SCAPER: variants seen among roughly 807,000 people sequenced by gnomAD.
SCAPER encodes S phase cyclin A-associated protein in the endoplasmic reticulum.
A neutral mutation model predicts 182.2 loss-of-function variants in SCAPER; 98 were observed. The ratio of observed to expected loss-of-function variants is 0.54; its 90% CI spans 0.46 to 0.64. The LOEUF is 0.64. SCAPER is among the 30% of genes least tolerant of loss of function. The pLI, the probability that SCAPER is intolerant of heterozygous loss-of-function variation, is 0.00. For missense variants in SCAPER, 1,432 were observed against 1,690.0 expected, an observed-to-expected ratio of 0.85 and a Z score of 2.68; for synonymous variants, 605 against 564.6, an observed-to-expected ratio of 1.07 and a Z score of -1.01.
At chr15:76,383,020 T>C (rs1292596547) in intron 27 of SCAPER, among the ~76,000 whole-genome samples, 2 of 152,036 alleles carry the variant, frequency 1.3e-5, no homozygotes, top group Non-Finnish European at 2.9e-5. Context: ...TGTCATGGCA[T>C]AATACCTTTC....
rs374205664 is a variant in SCAPER, at chr15:76,362,508, G to A, written c.3856-8368C>T. 4.6e-5 allele frequency among the ~76,000 whole-genome samples: 7 copies of A among 151,552 alleles called. No individual in the cohort carries two copies. In the South Asian group the frequency reaches 8.4e-4, roughly 18 times the overall value. On this transcript the variant is annotated intron_variant, in intron 29 of 31. Coordinates refer to ENST00000563290, the MANE Select transcript of SCAPER (RefSeq NM_020843.4). ...GCTCACTGCAACCTCTGCCTGCTGG[G>A]TTCAAGCAATTCTCCTGCCTCAGCC...
At chr15:76,819,035 G>A (rs574644209) in intron 5 of SCAPER, among the ~76,000 whole-genome samples, 1 of 152,348 alleles carries the variant, frequency 6.6e-6, no homozygotes, top group East Asian at 1.9e-4. Context: ...AGCGAGGCAG[G>A]GGGAGGAGCA....
intron 3 of SCAPER, among the ~76,000 whole-genome samples, chr15:76,859,891 A>T (rs1446756649): frequency 6.6e-6 from 1 of 151,842 alleles, no homozygotes; most frequent in Non-Finnish European, 1.5e-5. Context: ...ATTGTTTTGT[A>T]TTTTAGTAGA....
At chr15:76,563,080 CT>C (rs1175654735) in intron 23 of SCAPER, among the ~76,000 whole-genome samples, 1 of 152,058 alleles carries the variant, frequency 6.6e-6, no homozygotes, top group Non-Finnish European at 1.5e-5. Context: ...AAGGAAGTCG[CT>C]TCTTAAAAGT....
chr15:76,868,084 C>T (rs1176334666), intron 2 of SCAPER, among the ~76,000 whole-genome samples: 1 of 152,100 alleles, frequency 6.6e-6, no homozygotes, highest in Non-Finnish European at 1.5e-5. Flanking sequence ...AGGTCACATG[C>T]TGAATACCTA....
chr15:76,608,076 G>T (rs1000770858), intron 22 of SCAPER, among the ~76,000 whole-genome samples: 2 of 152,160 alleles, frequency 1.3e-5, no homozygotes, highest in Non-Finnish European at 2.9e-5. Flanking sequence ...GCGTTCCTTT[G>T]CAGGAGGAGA....
chr15:76,605,059 G>A (rs1425699108), intron 22 of SCAPER, among the ~76,000 whole-genome samples: 1 of 152,180 alleles, frequency 6.6e-6, no homozygotes, highest in Non-Finnish European at 1.5e-5. Context: ...CCAACACTAT[G>A]TTGAATAGGA....
chr15:76,673,978 CACACACACACA>C (rs1269868903), intron 20 of SCAPER, among the ~76,000 whole-genome samples: 26 of 151,608 alleles, frequency 1.7e-4, no homozygotes, highest in Admixed American at 5.9e-4. Context: ...CACACACACA[CACACACACACA>C]CCCCAATCAG....
At chr15:76,781,756 T>A (rs1041358216) in intron 8 of SCAPER, among the ~76,000 whole-genome samples, 6 of 152,054 alleles carry the variant, frequency 3.9e-5, no homozygotes, top group Non-Finnish European at 7.4e-5. Context: ...AACAAAAAAT[T>A]TTCAACCCAG....
chr15:76,672,565 T>C (rs2057101228), intron 20 of SCAPER, among the ~76,000 whole-genome samples: 2 of 151,970 alleles, frequency 1.3e-5, no homozygotes, highest in South Asian at 2.1e-4. Context: ...AAAGAAATCA[T>C]TTAAGGAATA....
At chr15:76,617,098 A>C (rs1370361564) in intron 22 of SCAPER, among the ~76,000 whole-genome samples, 2 of 152,090 alleles carry the variant, frequency 1.3e-5, no homozygotes, top group Non-Finnish European at 2.9e-5. Context: ...TTTGTTGTAA[A>C]TATTTCCACC....
At chr15:76,529,727 C>T (rs571048811) in intron 23 of SCAPER, among the ~76,000 whole-genome samples, 5 of 152,252 alleles carry the variant, frequency 3.3e-5, no homozygotes, top group South Asian at 2.1e-4. Flanking sequence ...CTGACATATC[C>T]GAAGAATGGC....
At chr15:76,820,304 G>A (rs540261029) in intron 5 of SCAPER, among the ~76,000 whole-genome samples, 162 of 152,140 alleles carry the variant, frequency 1.1e-3, no homozygotes, top group African/African-American at 3.7e-3. Context: ...GTTTATTGCG[G>A]CACTATTCAC....
At chr15:76,551,917 CTCTT>C (rs1421770844) in intron 23 of SCAPER, among the ~76,000 whole-genome samples, 1 of 151,986 alleles carries the variant, frequency 6.6e-6, no homozygotes, top group African/African-American at 2.4e-5. Context: ...TCCATTGCTC[CTCTT>C]TCTTTGGCCT....
intron 14 of SCAPER, among the ~76,000 whole-genome samples, chr15:76,758,301 G>A (rs977165587): frequency 2.0e-5 from 3 of 151,972 alleles, no homozygotes; most frequent in East Asian, 1.9e-4. Context: ...TCTTTTTCAC[G>A]TGGATACCCA....
intron 1 of SCAPER, among the ~76,000 whole-genome samples, chr15:76,897,422 T>C (rs773757771): frequency 2.0e-5 from 3 of 152,054 alleles, no homozygotes; most frequent in Non-Finnish European, 4.4e-5. Context: ...TACTTCAACA[T>C]TGACCAGGCA....
rs201690741 is a variant in SCAPER, at chr15:76,599,023, T to TA, written c.2711+22740dup. Among the ~76,000 whole-genome samples, 235 of 120,300 alleles carry TA rather than the reference T, an allele frequency of 2.0e-3. 21 individuals carry two copies. The highest frequency in any genetic ancestry group is 5.2e-3 in the African/African-American group (208 of 39,650). The allele number at this position is 120,300 out of a possible 152,430, so 78.9% of individuals were successfully genotyped here. A position where few individuals can be genotyped will look rare whatever the true frequency, so the allele number is the denominator to read the frequency against. On this transcript the variant is annotated intron_variant, in intron 22 of 31. Transcript: ENST00000563290. ...AAGCATAAGGTTACCTGCTAGATTTTAAAAAAATAATAAAAATATACACAA... is the reference window on the plus strand; with the variant it reads ...AAGCATAAGGTTACCTGCTAGATTTTAAAAAAAATAATAAAAATATACACAA...
chr15:76,788,343 T>C (rs1312962147), intron 8 of SCAPER, among the ~76,000 whole-genome samples: 1 of 152,232 alleles, frequency 6.6e-6, no homozygotes, highest in Non-Finnish European at 1.5e-5. Context: ...CTACATGTTA[T>C]GTGAATTGTA....
At chr15:76,477,679 TTACCAATTTGACAGCTAAA>T (rs2050766468) in intron 24 of SCAPER, among the ~76,000 whole-genome samples, 1 of 152,168 alleles carries the variant, frequency 6.6e-6, no homozygotes, top group African/African-American at 2.4e-5. Context: ...AAGCAAATAT[TTACCAATTTGACAGCTAAA>T]TAAAACCGGT....
Sources: allele counts gnomAD v4.1 joint callset (sites outside exome capture counted in the v4.1 genomes callset), GRCh38; gene constraint gnomAD v4.1.1; transcripts MANE v1.5; gene names NCBI Gene and HGNC (gene_info 2026-07-23, HGNC 2026-07-21).